PAM: variants seen among roughly 807,000 people sequenced by gnomAD.
PAM encodes peptidylglycine alpha-amidating monooxygenase, also known as peptidyl-glycine alpha-amidating monooxygenase.
A neutral mutation model predicts 122.1 loss-of-function variants in PAM; 72 were observed. The ratio of observed to expected loss-of-function variants is 0.59; its 90% CI spans 0.49 to 0.72. The LOEUF is 0.72. Ranked by LOEUF, PAM falls within the 30% of genes least tolerant of loss-of-function variation. The probability of loss-of-function intolerance (pLI) is 0.00; values close to 1 mark genes in which losing one functional copy is unlikely to be tolerated. For missense variants in PAM, 1,106 were observed against 1,183.7 expected, an observed-to-expected ratio of 0.93 and a Z score of 0.96; for synonymous variants, 389 against 404.4, an observed-to-expected ratio of 0.96 and a Z score of 0.46.
chr5:102,993,893 T>C (rs1774903217), intron 16 of PAM, among the ~76,000 whole-genome samples: 1 of 152,146 alleles, frequency 6.6e-6, no homozygotes, highest in Non-Finnish European at 1.5e-5. Flanking sequence ...TCATGTCTCA[T>C]TGCACGTTAA....
chr5:102,902,411 A>G (rs1798240354), intron 4 of PAM, among the ~76,000 whole-genome samples: 1 of 151,618 alleles, frequency 6.6e-6, no homozygotes. Context: ...TCTCAACAAA[A>G]TTTGCTGCAT....
At chr5:103,007,168 CACACACACACACACACATATACAT>C (rs1462162185) in intron 19 of PAM, among the ~76,000 whole-genome samples, 157 bp downstream of exon 19, 41 of 137,116 alleles carry the variant, frequency 3.0e-4, no homozygotes, top group East Asian at 1.9e-3. Flanking sequence ...TTGTCTCTCA[CACACACACACACACACATATACAT>C]ACACACACAC....
intron 7 of PAM, among the ~76,000 whole-genome samples, chr5:102,929,484 C>G (rs562278898): frequency 1.3e-5 from 2 of 152,072 alleles, no homozygotes; most frequent in African/African-American, 4.8e-5. Context: ...GATTTTATTT[C>G]GTGGTTTTAA....
chr5:102,863,112 G>A lies in PAM; in HGVS notation c.-373-2711G>A, dbSNP rs1226171199. 2.8e-5 allele frequency among the ~76,000 whole-genome samples: 4 copies of A among 144,894 alleles called. No homozygotes were observed. The East Asian group carries it at 7.7e-4, about 28-fold the overall frequency. ...TAACTACCTACTAATACTCCTCCTG[G>A]AATTAATATCCATACAGGTATAGGT... On this transcript the variant is annotated intron_variant, in intron 1 of 25. Coordinates refer to ENST00000438793, the MANE Select transcript of PAM (RefSeq NM_001177306.2).
At chr5:102,786,957 C>G (rs1240729936) in intron 1 of PAM, among the ~76,000 whole-genome samples, 1 of 151,724 alleles carries the variant, frequency 6.6e-6, no homozygotes, top group African/African-American at 2.4e-5. Flanking sequence ...TATATTTGAC[C>G]CCTGTAATGA....
chr5:102,799,865 A>C (rs964131059), intron 1 of PAM, among the ~76,000 whole-genome samples: 6 of 152,154 alleles, frequency 3.9e-5, no homozygotes, highest in African/African-American at 1.4e-4. Context: ...CAGCCTCCCT[A>C]ATGAAAATAT....
At chr5:102,831,780 C>T (rs147599347) in intron 1 of PAM, among the ~76,000 whole-genome samples, 4 of 152,092 alleles carry the variant, frequency 2.6e-5, no homozygotes, top group African/African-American at 9.6e-5. Flanking sequence ...TACTACTATG[C>T]TAATGTGGTA....
chr5:102,861,803 A>G (rs1319993470), intron 1 of PAM, among the ~76,000 whole-genome samples: 1 of 152,156 alleles, frequency 6.6e-6, no homozygotes, highest in African/African-American at 2.4e-5. Flanking sequence ...TATTTGTACT[A>G]TACTTGCAGC....
At chr5:103,030,452 G>A (rs1193724736), downstream of PAM, 6 of 152,202 alleles carry the variant, frequency 3.9e-5, no homozygotes, top group African/African-American at 1.4e-4. Context: ...CATCATAGTA[G>A]TTGGAATAAT....
At chr5:102,973,214 C>T (rs778753727) in intron 14 of PAM, among the ~76,000 whole-genome samples, 2 of 152,082 alleles carry the variant, frequency 1.3e-5, no homozygotes, top group Non-Finnish European at 2.9e-5. Context: ...TGTAGGAGAG[C>T]AGATTTGTGT....
chr5:103,030,708 G>A (rs1786126309), downstream of PAM: 1 of 152,224 alleles, frequency 6.6e-6, no homozygotes, highest in Non-Finnish European at 1.5e-5. Flanking sequence ...AAATGTCCCA[G>A]AGGAGTGAAT....
At chr5:102,863,863 T>G (rs1784805893) in intron 1 of PAM, among the ~76,000 whole-genome samples, 1 of 151,340 alleles carries the variant, frequency 6.6e-6, no homozygotes, top group South Asian at 2.1e-4. Context: ...TAATTAGCTT[T>G]CATTTTTATA....
intron 1 of PAM, among the ~76,000 whole-genome samples, chr5:102,785,620 GGAGA>G (rs1215004350): frequency 1.3e-5 from 2 of 152,106 alleles, no homozygotes; most frequent in African/African-American, 4.8e-5. Flanking sequence ...AGAGGTTGAG[GGAGA>G]GAGTGAGGTC....
chr5:102,874,055 A>G (rs1199245084), intron 3 of PAM, among the ~76,000 whole-genome samples: 1 of 152,216 alleles, frequency 6.6e-6, no homozygotes, highest in Non-Finnish European at 1.5e-5. Flanking sequence ...CCCTCCCCAA[A>G]TTGAGAAACT....
chr5:102,897,141 G>A (rs1041526454), intron 3 of PAM, among the ~76,000 whole-genome samples: 10 of 151,576 alleles, frequency 6.6e-5, no homozygotes, highest in African/African-American at 2.4e-4. Context: ...TGTTGGATGG[G>A]TAGAACTACC....
intron 3 of PAM, chr5:102,873,402 C>T (rs1165230099): frequency 1.3e-5 from 2 of 152,118 alleles, no homozygotes; most frequent in African/African-American, 2.4e-5. Context: ...AAAATGGATC[C>T]AAGCTCTTCG....
chr5:103,019,351 G>T (rs753184519), intron 22 of PAM, among the ~76,000 whole-genome samples: 1 of 152,160 alleles, frequency 6.6e-6, no homozygotes, highest in Non-Finnish European at 1.5e-5. Flanking sequence ...AGTATATCTG[G>T]AACAGTAAGA....
intron 16 of PAM, among the ~76,000 whole-genome samples, chr5:102,997,037 G>T (rs984459558): frequency 6.6e-6 from 1 of 152,094 alleles, no homozygotes; most frequent in Admixed American, 6.6e-5. Context: ...AACAGTGAAA[G>T]TATAGTAATA....
chr5:102,963,067 CAT>C (rs1380355400), intron 14 of PAM, among the ~76,000 whole-genome samples: 1 of 151,774 alleles, frequency 6.6e-6, no homozygotes, highest in Non-Finnish European at 1.5e-5. Flanking sequence ...GGCTGTTACT[CAT>C]ATGTTGAAAT....
Sources: allele counts gnomAD v4.1 joint callset (sites outside exome capture counted in the v4.1 genomes callset), GRCh38; gene constraint gnomAD v4.1.1; transcripts MANE v1.5; gene names NCBI Gene and HGNC (gene_info 2026-07-23, HGNC 2026-07-21).